The following TRAPPC9 variants were observed in gnomAD, a reference collection of about 807,000 sequenced individuals.
TRAPPC9 encodes trafficking protein particle complex subunit 9.
TRAPPC9 carries 83 observed loss-of-function variants against 124.0 expected under a neutral mutation model. The ratio of observed to expected loss-of-function variants is 0.67; its 90% CI spans 0.56 to 0.80. The LOEUF (loss-of-function observed/expected upper bound fraction) is 0.80. TRAPPC9 is among the 30% of genes least tolerant of loss of function. TRAPPC9 has a pLI of 0.00. For synonymous variants in TRAPPC9, 638 were observed against 617.5 expected (o/e 1.03, Z -0.49); for missense variants, 1,302 against 1,508.3 (o/e 0.86, Z 2.27).
chr8:140,064,907 T>C (rs1022612928), intron 17 of TRAPPC9, among the ~76,000 whole-genome samples: 2 of 152,130 alleles, frequency 1.3e-5, no homozygotes, highest in African/African-American at 4.8e-5. Flanking sequence ...CCTGAAACAA[T>C]GTTTGTCCAT....
chr8:139,829,608 G>A (rs558895184), intron 21 of TRAPPC9, among the ~76,000 whole-genome samples: 7 of 152,336 alleles, frequency 4.6e-5, no homozygotes, highest in South Asian at 2.1e-4. Flanking sequence ...TGGGATGGGC[G>A]CTGTGGGAGA....
chr8:140,186,792 C>T, intron 17 of TRAPPC9, among the ~76,000 whole-genome samples: 1 of 152,200 alleles, frequency 6.6e-6, no homozygotes, highest in East Asian at 1.9e-4. Context: ...TGGTGAAACA[C>T]TTGCCCTCAG....
intron 7 of TRAPPC9, among the ~76,000 whole-genome samples, chr8:140,393,378 T>C (rs1011816232): frequency 6.6e-6 from 1 of 152,172 alleles, no homozygotes; most frequent in African/African-American, 2.4e-5. Context: ...TACTTCACTA[T>C]TTGCTTGTAA....
intron 7 of TRAPPC9, among the ~76,000 whole-genome samples, chr8:140,396,639 T>C (rs190898993): frequency 9.0e-4 from 137 of 151,604 alleles, no homozygotes; most frequent in Admixed American, 8.7e-3. Flanking sequence ...CTCCCAGTGA[T>C]GTGTTCTGTT....
chr8:139,896,556 T>C (rs1830682462), intron 20 of TRAPPC9, among the ~76,000 whole-genome samples: 2 of 152,214 alleles, frequency 1.3e-5, no homozygotes, highest in South Asian at 4.1e-4. Context: ...AGAAAGCCAG[T>C]GCCGCTAGCA....
chr8:139,922,219 A>T (rs1395180941), intron 19 of TRAPPC9, among the ~76,000 whole-genome samples: 1 of 149,390 alleles, frequency 6.7e-6, no homozygotes, highest in African/African-American at 2.5e-5. Flanking sequence ...TGCTCTGTTG[A>T]CTAGGCTAGT....
intron 19 of TRAPPC9, among the ~76,000 whole-genome samples, chr8:139,974,970 G>A (rs533027355): frequency 6.6e-5 from 10 of 151,962 alleles, no homozygotes; most frequent in Non-Finnish European, 1.0e-4. Context: ...TAGATCAGCC[G>A]CACCCGATTC....
intron 19 of TRAPPC9, among the ~76,000 whole-genome samples, chr8:139,962,141 C>G (rs1835397742): frequency 8.0e-6 from 1 of 124,302 alleles, no homozygotes; most frequent in African/African-American, 2.5e-5. Context: ...TGTTGTAACA[C>G]TCAATGACGC....
intron 15 of TRAPPC9, among the ~76,000 whole-genome samples, chr8:140,266,537 C>T (rs1405559741): frequency 7.3e-6 from 1 of 136,376 alleles, no homozygotes; most frequent in East Asian, 2.2e-4. Flanking sequence ...GCTAGACCCT[C>T]CTTGTCCAGA....
chr8:139,940,058 C>A lies in TRAPPC9; in HGVS notation c.2811-29758G>T, dbSNP rs73369814. Among the ~76,000 whole-genome samples the A allele has an allele frequency of 5.6e-3, 846 of 152,322 alleles. 10 individuals carry two copies. Among genetic ancestry groups the A allele is most frequent in the African/African-American group, 0.019 (797 of 41,566 alleles). ...ACCCTAGGCAGCCCAAATATACCTG[C>A]GAGCTGGACTGGGCCTGCTGGCCAC... is the stretch of plus-strand genomic sequence containing the variant. On this transcript the variant is annotated intron_variant, in intron 19 of 22. Transcript: ENST00000438773.
intron 17 of TRAPPC9, among the ~76,000 whole-genome samples, chr8:140,117,692 A>C (rs2060913944): frequency 6.6e-6 from 1 of 152,266 alleles, no homozygotes; most frequent in South Asian, 2.1e-4. Flanking sequence ...ATAGCAAGAC[A>C]TATGATGGCA....
chr8:140,353,597 C>T lies in TRAPPC9; in HGVS notation c.1495+6453G>A, dbSNP rs901667739. Among the ~76,000 whole-genome samples the T allele has an allele frequency of 2.0e-5, 3 of 152,178 alleles. No individual in the cohort carries two copies. The highest frequency in any genetic ancestry group is 4.4e-5 in the Non-Finnish European group (3 of 68,036). ...TTTCCACAGGAATTGGTGTCAGTAACTGTAAATTCATCCTGAAACGGCCAG... is the reference window on the plus strand; with the variant it reads ...TTTCCACAGGAATTGGTGTCAGTAATTGTAAATTCATCCTGAAACGGCCAG... On this transcript the variant is annotated intron_variant, in intron 9 of 22. Transcript: ENST00000438773. This position sits in a 1 kb window ranked among gnomAD's most constrained non-coding sequence, Gnocchi z 4.2.
intron 9 of TRAPPC9, among the ~76,000 whole-genome samples, chr8:140,317,058 T>G (rs1163983095): frequency 6.6e-6 from 1 of 152,220 alleles, no homozygotes; most frequent in Non-Finnish European, 1.5e-5. Flanking sequence ...GTGTTATCAG[T>G]TGTAAATTTC....
intron 17 of TRAPPC9, among the ~76,000 whole-genome samples, chr8:140,151,828 T>C (rs892901623): frequency 5.3e-5 from 8 of 152,174 alleles, no homozygotes; most frequent in Admixed American, 5.2e-4. Context: ...AATATCTGTC[T>C]TCATGCCAAT....
At chr8:140,180,639 T>C (rs2062179497) in intron 17 of TRAPPC9, among the ~76,000 whole-genome samples, 1 of 151,792 alleles carries the variant, frequency 6.6e-6, no homozygotes, top group African/African-American at 2.4e-5. Context: ...TATTTTTTTA[T>C]GGATATTTTT....
intron 17 of TRAPPC9, among the ~76,000 whole-genome samples, chr8:140,206,340 A>G (rs2062916256): frequency 6.6e-6 from 1 of 152,182 alleles, no homozygotes; most frequent in African/African-American, 2.4e-5. Context: ...TTCTGCTTGC[A>G]GTCTTACGTT....
chr8:139,848,688 C>G (rs1200904353), intron 21 of TRAPPC9, among the ~76,000 whole-genome samples: 1 of 152,076 alleles, frequency 6.6e-6, no homozygotes, highest in Non-Finnish European at 1.5e-5. Flanking sequence ...GAAATAGAAG[C>G]CTATATACTT....
At chr8:140,219,731 G>A (rs552175117) in intron 17 of TRAPPC9, among the ~76,000 whole-genome samples, 24 of 152,218 alleles carry the variant, frequency 1.6e-4, no homozygotes, top group African/African-American at 5.5e-4. Flanking sequence ...TACTATACAC[G>A]GGGCAAACGA....
At chr8:139,955,280 G>C (rs1340093722) in intron 19 of TRAPPC9, among the ~76,000 whole-genome samples, 3 of 152,040 alleles carry the variant, frequency 2.0e-5, no homozygotes, top group Admixed American at 2.0e-4. Flanking sequence ...CCTCATGTAG[G>C]TCTTGTTCAC....
Sources: gnomAD v4.1 joint callset for allele counts (sites outside exome capture counted in the v4.1 genomes callset) on GRCh38, gnomAD v4.1.1 for gene constraint, Gnocchi (gnomAD v3.1) non-coding constraint, MANE v1.5 for transcripts, NCBI Gene and HGNC (gene_info 2026-07-23, HGNC 2026-07-21) for gene names.